VAC14: variants seen among roughly 807,000 people sequenced by gnomAD.
VAC14 encodes VAC14 component of PIKFYVE complex.
A neutral mutation model predicts 85.3 loss-of-function variants in VAC14; 47 were observed. The ratio of observed to expected loss-of-function variants is 0.55; its 90% confidence interval spans 0.44 to 0.70. The LOEUF (loss-of-function observed/expected upper bound fraction) is 0.70, where lower values mean the gene tolerates loss of function less well. Among genes scored for constraint, VAC14 ranks in the 30% least tolerant of loss-of-function variants. The pLI is 0.00. For synonymous variants in VAC14, 447 were observed against 430.5 expected, an observed-to-expected ratio of 1.04 and a Z score of -0.47; for missense variants, 861 against 1,004.3, an observed-to-expected ratio of 0.86 and a Z score of 1.93.
At chr16:70,688,765 C>T in intron 18 of VAC14, 5 of 985,576 alleles carry the variant, frequency 5.1e-6, no homozygotes, top group African/African-American at 1.7e-5. Context: ...TATAATGGTG[C>T]AATGCGGTAG....
chr16:70,786,426 C>G, intron 1 of VAC14, 61 bp from the exon 2 acceptor site: 1 of 1,583,032 alleles, frequency 6.3e-7, no homozygotes, highest in South Asian at 1.1e-5. Flanking sequence ...GCCTCCAGGG[C>G]CTGGGGCGGC....
At chr16:70,737,465 T>A (rs906208689) in intron 13 of VAC14, among the ~76,000 whole-genome samples, 1 of 152,160 alleles carries the variant, frequency 6.6e-6, no homozygotes, top group Non-Finnish European at 1.5e-5. Flanking sequence ...GGGATTTCCA[T>A]TCCCCAATCC....
intron 14 of VAC14, chr16:70,731,244 T>G (rs2290614): frequency 3.3e-5 from 41 of 1,225,700 alleles, no homozygotes; most frequent in Non-Finnish European, 4.1e-5. Context: ...CAGGGGAAGA[T>G]AGTAACTCAG....
At chr16:70,750,448 C>CG (rs2031288449) in intron 12 of VAC14, among the ~76,000 whole-genome samples, 1 of 147,548 alleles carries the variant, frequency 6.8e-6, no homozygotes, top group Admixed American at 6.8e-5. Flanking sequence ...TGGTGACAGG[C>CG]GGGGGTGGGG....
intron 9 of VAC14, among the ~76,000 whole-genome samples, chr16:70,777,017 C>T (rs1192473531): frequency 6.6e-6 from 1 of 152,142 alleles, no homozygotes; most frequent in Non-Finnish European, 1.5e-5. Flanking sequence ...CCATGCTGGC[C>T]AGGCTGGTCT....
At chr16:70,731,440 A>T in intron 14 of VAC14, 55 bp downstream of exon 14, 1 of 1,582,264 alleles carries the variant, frequency 6.3e-7, no homozygotes, top group Non-Finnish European at 8.6e-7. Context: ...ATGGCGTGAA[A>T]GTGAAAAGCC....
chr16:70,713,642 C>T (rs1461249254), intron 14 of VAC14, among the ~76,000 whole-genome samples: 4 of 152,122 alleles, frequency 2.6e-5, no homozygotes, highest in Admixed American at 6.5e-5. Flanking sequence ...CTCTGGGACC[C>T]TCTATCAACC....
chr16:70,790,117 G>A (rs528952557), intron 1 of VAC14, among the ~76,000 whole-genome samples: 1 of 152,334 alleles, frequency 6.6e-6, no homozygotes, highest in Non-Finnish European at 1.5e-5. Flanking sequence ...AGGGCTTAAG[G>A]AATACTGTGC....
Position 70,753,385 on chromosome 16 carries a change from G to C in VAC14, c.1372-8806C>G, listed in dbSNP as rs141091159. ...TGACTTGCCAACAGGGAGGTGCCTG[G>C]GAAATCCAGCTGATTCAGCCTTGGC... is the stretch of plus-strand genomic sequence containing the variant. On this transcript the variant is annotated intron_variant, in intron 12 of 18. Transcript: ENST00000261776. Among the ~76,000 whole-genome samples the C allele has an allele frequency of 3.1e-3, 476 of 152,302 alleles. 1 individual carries two copies. Among genetic ancestry groups the C allele is most frequent in the African/African-American group, 0.011 (438 of 41,576 alleles).
chr16:70,731,829 T>G (rs1322218589), intron 13 of VAC14, among the ~76,000 whole-genome samples: 1 of 152,086 alleles, frequency 6.6e-6, no homozygotes, highest in African/African-American at 2.4e-5. Flanking sequence ...CAACTTGGCT[T>G]ACTGCAAAAA....
rs962660111 is a variant in VAC14 at position 70,689,602 on chromosome 16, C to T, written c.2187-1512G>A. On this transcript the variant is annotated intron_variant, in intron 18 of 18. Coordinates refer to ENST00000261776, the MANE Select transcript of VAC14 (RefSeq NM_018052.5). Reference sequence around the variant, plus strand: ...TGCCTGCCCACACCTGTTCCCTTCCCGCCTCCCTGCTGAAGATGCACCACC... The same window carrying T: ...TGCCTGCCCACACCTGTTCCCTTCCTGCCTCCCTGCTGAAGATGCACCACC... 2.2e-5 allele frequency: 22 copies of T among 985,656 alleles called. 1 individual carries two copies. The African/African-American group carries it at 2.8e-4, about 12-fold the overall frequency. 61.1% of individuals were successfully genotyped at this position (985,656 alleles called of 1,614,324 possible).
At chr16:70,764,467 G>A (rs1332243036) in intron 10 of VAC14, among the ~76,000 whole-genome samples, 1 of 152,190 alleles carries the variant, frequency 6.6e-6, no homozygotes, top group Non-Finnish European at 1.5e-5. Context: ...AGGTAGAGGA[G>A]TCTAGGGCGG....
intron 12 of VAC14, among the ~76,000 whole-genome samples, chr16:70,759,004 CGGT>C (rs1258165774): frequency 2.0e-5 from 3 of 152,144 alleles, no homozygotes; most frequent in Non-Finnish European, 4.4e-5. Flanking sequence ...AGGTGTCACT[CGGT>C]GGAACTGAGG....
intron 9 of VAC14, chr16:70,779,084 G>C (rs1179425019): frequency 1.3e-5 from 2 of 152,220 alleles, no homozygotes; most frequent in African/African-American, 4.8e-5. Context: ...TGGCAGGCGA[G>C]AATTCTACCA....
At position 70,710,675 on chromosome 16, in the gene VAC14, C is replaced by T. The variant is rs75234022; in HGVS notation, c.1662-11864G>A. Among the ~76,000 whole-genome samples the T allele has an allele frequency of 4.9e-3, 747 of 152,358 alleles. 6 individuals carry two copies. The highest frequency in any genetic ancestry group is 0.017 in the African/African-American group (718 of 41,576). The stretch of plus-strand genomic sequence containing the variant: ...ACAGTTTACAGATGGTGAGCCTCCC[C>T]TTCTGCCTCGTCGGTGCTGGACCAA... On this transcript the variant is annotated intron_variant, in intron 14 of 18. Coordinates refer to ENST00000261776, the MANE Select transcript of VAC14 (RefSeq NM_018052.5).
intron 10 of VAC14, among the ~76,000 whole-genome samples, chr16:70,767,748 T>C (rs1209454803): frequency 3.9e-5 from 6 of 152,254 alleles, no homozygotes; most frequent in African/African-American, 1.4e-4. Context: ...TTAACCTCTC[T>C]GGGTCTGTTT....
At chr16:70,781,730 A>G in intron 8 of VAC14, 139 bp downstream of exon 8, 2 of 1,236,546 alleles carry the variant, frequency 1.6e-6, no homozygotes, top group East Asian at 2.6e-5. Flanking sequence ...GTTTGGCTCC[A>G]TCTCTTTTTC....
Position 70,785,783 on chromosome 16 carries a change from G to A in VAC14, c.342C>T (p.Cys114=), listed in dbSNP as rs544686162. 5 of 1,591,212 alleles carry A rather than the reference G, an allele frequency of 3.1e-6. No homozygotes were observed. The East Asian group carries it at 6.8e-5, about 22-fold the overall frequency. The change falls in exon 3 of 19, where the codon TGC becomes TGT. Residue 114 remains cysteine (C), a synonymous_variant. Transcript: ENST00000261776. The part of the protein sequence containing the change: ...DADSRLRYYA[C]EALYNIVKVA... ...CCTTGACGATGTTGTAGAGGGCCTCGCAGGCATAGTAGCGCAGCCTGCTGT... is the reference window on the plus strand; with the variant it reads ...CCTTGACGATGTTGTAGAGGGCCTCACAGGCATAGTAGCGCAGCCTGCTGT...
intron 9 of VAC14, among the ~76,000 whole-genome samples, chr16:70,777,192 G>A (rs1242052313): frequency 2.0e-5 from 3 of 151,994 alleles, no homozygotes; most frequent in African/African-American, 7.3e-5. Context: ...TGATCCGCCT[G>A]CCTTAGCCTC....
Sources: gnomAD v4.1 joint callset for allele counts (sites outside exome capture counted in the v4.1 genomes callset) on GRCh38, gnomAD v4.1.1 for gene constraint, MANE v1.5 for transcripts, NCBI Gene and HGNC (gene_info 2026-07-23, HGNC 2026-07-21) for gene names.